The following FSTL5 variants were observed in gnomAD, a reference collection of about 807,000 sequenced individuals.
FSTL5 encodes the protein follistatin like 5.
In FSTL5, 62 loss-of-function variants were observed where a neutral mutation model predicts 89.1. The observed-to-expected ratio is 0.70, with a 90% CI of 0.57 to 0.86. The LOEUF (loss-of-function observed/expected upper bound fraction) is 0.86, where lower values mean the gene tolerates loss of function less well. FSTL5 is among the 40% of genes least tolerant of loss of function. FSTL5 has a pLI of 0.00. For missense variants in FSTL5, 1,057 were observed against 1,001.6 expected (o/e 1.06, Z -0.75); for synonymous variants, 383 against 346.2 (o/e 1.11, Z -1.18).
intron 1 of FSTL5, among the ~76,000 whole-genome samples, chr4:162,115,058 G>A (rs942324070): frequency 6.6e-6 from 1 of 152,060 alleles, no homozygotes; most frequent in African/African-American, 2.4e-5. Context: ...GTTTTCCTTA[G>A]GAAAACTCTG....
intron 15 of FSTL5, among the ~76,000 whole-genome samples, chr4:161,413,345 C>T (rs1731663970): frequency 7.1e-6 from 1 of 141,296 alleles, no homozygotes; most frequent in Admixed American, 7.1e-5. Context: ...TTAATCATCA[C>T]AGAAATGCAA....
intron 2 of FSTL5, among the ~76,000 whole-genome samples, chr4:162,058,530 A>G (rs984297889): frequency 5.5e-4 from 7 of 12,786 alleles, no homozygotes; most frequent in African/African-American, 2.1e-3. Context: ...AGGTTCAAGC[A>G]ATTCTCCTGC....
intron 2 of FSTL5, among the ~76,000 whole-genome samples, chr4:162,056,561 T>A (rs1738549711): frequency 6.6e-6 from 1 of 152,140 alleles, no homozygotes; most frequent in Non-Finnish European, 1.5e-5. Context: ...AATACATGAA[T>A]TAAAGCTATT....
intron 4 of FSTL5, among the ~76,000 whole-genome samples, chr4:161,785,472 A>G (rs1741871310): frequency 6.6e-6 from 1 of 152,172 alleles, no homozygotes. Context: ...GAAAGGGATG[A>G]CTCCAGACTG....
intron 3 of FSTL5, among the ~76,000 whole-genome samples, chr4:162,014,947 A>T (rs986342761): frequency 2.6e-5 from 4 of 152,172 alleles, no homozygotes; most frequent in Non-Finnish European, 5.9e-5. Context: ...ATGCTACTCA[A>T]GGTTAAAAAT....
chr4:161,856,255 A>T (rs1731717466), intron 4 of FSTL5, among the ~76,000 whole-genome samples: 1 of 152,120 alleles, frequency 6.6e-6, no homozygotes, highest in Non-Finnish European at 1.5e-5. Context: ...TTGAACATAG[A>T]AGAAACAGCA....
intron 3 of FSTL5, chr4:162,023,014 C>G (rs1737147646): frequency 1.3e-5 from 2 of 152,090 alleles, no homozygotes; most frequent in Admixed American, 6.6e-5. Context: ...CCCCTAAAAG[C>G]CCCAACTTGA....
intron 5 of FSTL5, among the ~76,000 whole-genome samples, chr4:161,761,486 A>G (rs1740801995): frequency 6.6e-6 from 1 of 152,178 alleles, no homozygotes; most frequent in African/African-American, 2.4e-5. Flanking sequence ...CATTTTAATG[A>G]CTTTTAGTCT....
At chr4:161,500,529 T>A (rs538600051) in intron 11 of FSTL5, among the ~76,000 whole-genome samples, 23 of 152,244 alleles carry the variant, frequency 1.5e-4, no homozygotes, top group African/African-American at 5.1e-4. Flanking sequence ...TAGAGTTCAC[T>A]AGGAAAAGTT....
chr4:161,522,889 C>T (rs1488934648), intron 10 of FSTL5, among the ~76,000 whole-genome samples: 1 of 151,562 alleles, frequency 6.6e-6, no homozygotes, highest in Non-Finnish European at 1.5e-5. Flanking sequence ...TAAAATAGTC[C>T]TATATCTAGA....
At chr4:161,612,254 G>T (rs192852416) in intron 7 of FSTL5, among the ~76,000 whole-genome samples, 23 of 152,280 alleles carry the variant, frequency 1.5e-4, no homozygotes, top group Admixed American at 1.3e-3. Context: ...TTGCATTAAT[G>T]AATGGAAGTA....
At chr4:162,123,868 G>GA (rs199618149) in intron 1 of FSTL5, among the ~76,000 whole-genome samples, 15,298 of 141,668 alleles carry the variant, frequency 0.11, 1,019 homozygotes, top group Non-Finnish European at 0.15. Context: ...GATTTTGAAA[G>GA]AAAAAAAAAA....
chr4:162,099,481 G>A lies in FSTL5; in HGVS notation c.126+11790C>T, dbSNP rs1254734158. On this transcript the variant is annotated intron_variant, in intron 2 of 15. Coordinates refer to ENST00000306100, the MANE Select transcript of FSTL5 (RefSeq NM_020116.5). ...ATGATCCACAAAAATATAAGATAATGTAGGAGCAAATCTAGATAACCTCTG... is the reference window on the plus strand; with the variant it reads ...ATGATCCACAAAAATATAAGATAATATAGGAGCAAATCTAGATAACCTCTG... Among the ~76,000 whole-genome samples, 4 of 152,224 alleles carry A rather than the reference G, an allele frequency of 2.6e-5. No individual in the cohort carries two copies. In the East Asian group the frequency reaches 7.7e-4, roughly 29 times the overall value.
intron 8 of FSTL5, among the ~76,000 whole-genome samples, chr4:161,556,846 G>GTA (rs561942481): frequency 0.012 from 1,668 of 142,734 alleles, 25 homozygotes; most frequent in Admixed American, 0.041. Flanking sequence ...GTGTGTGTGT[G>GTA]TATATATATA....
chr4:161,948,056 C>T (rs913911132), intron 3 of FSTL5, among the ~76,000 whole-genome samples: 4 of 151,860 alleles, frequency 2.6e-5, no homozygotes, highest in African/African-American at 7.3e-5. Context: ...GTGGCAGAAT[C>T]GCTTGAGTCC....
chr4:161,599,114 C>A (rs970656538), intron 7 of FSTL5, among the ~76,000 whole-genome samples: 1 of 151,942 alleles, frequency 6.6e-6, no homozygotes, highest in African/African-American at 2.4e-5. Flanking sequence ...AAACAAAAGA[C>A]TAACAATTCA....
At chr4:161,832,736 T>C (rs1235117513) in intron 4 of FSTL5, among the ~76,000 whole-genome samples, 1 of 152,050 alleles carries the variant, frequency 6.6e-6, no homozygotes, top group Non-Finnish European at 1.5e-5. Context: ...ATCCCCTTTA[T>C]CATTTTTTAT....
At chr4:161,444,350 C>T (rs534873443) in intron 15 of FSTL5, among the ~76,000 whole-genome samples, 1 of 151,768 alleles carries the variant, frequency 6.6e-6, no homozygotes, top group Non-Finnish European at 1.5e-5. Flanking sequence ...TTCTCTCTCC[C>T]TTCTGAAATC....
At position 161,454,999 on chromosome 4, in the gene FSTL5, C is replaced by G. The variant is rs1733298193; in HGVS notation, c.1841+5G>C. The stretch of plus-strand genomic sequence containing the variant: ...AAAAAGTTGATCACTCAACTTAGCA[C>G]TTACCTCATATGGGTGATAATGAGT... On this transcript the variant is annotated splice_donor_5th_base_variant and intron_variant, in intron 15 of 15. Transcript: ENST00000306100. 4 of 1,612,900 alleles carry G rather than the reference C, an allele frequency of 2.5e-6. No homozygotes were observed. The East Asian group carries it at 8.9e-5, about 36-fold the overall frequency.
Sources: allele counts gnomAD v4.1 joint callset (sites outside exome capture counted in the v4.1 genomes callset), GRCh38; gene constraint gnomAD v4.1.1; transcripts MANE v1.5; gene names NCBI Gene and HGNC (gene_info 2026-07-23, HGNC 2026-07-21).